Variants in TTC13 observed in about 807,000 individuals in gnomAD.
TTC13 encodes the protein tetratricopeptide repeat domain 13.
TTC13 carries 62 observed loss-of-function variants against 120.0 expected under a neutral mutation model. The observed-to-expected ratio is 0.52, with a 90% CI of 0.42 to 0.64. The LOEUF (loss-of-function observed/expected upper bound fraction) is 0.64. Among genes scored for constraint, TTC13 ranks in the 30% least tolerant of loss-of-function variants. The pLI is 0.00. For synonymous variants in TTC13, 384 were observed against 393.5 expected (o/e 0.98, Z 0.28); for missense variants, 824 against 1,050.2 (o/e 0.78, Z 2.98).
chr1:230,920,417 T>C (rs1672470383), intron 17 of TTC13, 93 bp downstream of exon 17: 1 of 885,318 alleles, frequency 1.1e-6, no homozygotes, highest in East Asian at 2.5e-5. Context: ...TGATTTCAAA[T>C]AGCATTTAAT....
At chr1:230,956,546 A>C (rs1448370413) in intron 3 of TTC13, 1 of 397,100 alleles carries the variant, frequency 2.5e-6, no homozygotes, top group African/African-American at 2.1e-5. Flanking sequence ...TTATTATCCC[A>C]TAATCAGTAA....
chr1:230,948,764 A>T (rs536231379), intron 4 of TTC13, among the ~76,000 whole-genome samples: 1 of 152,188 alleles, frequency 6.6e-6, no homozygotes, highest in Non-Finnish European at 1.5e-5. Context: ...TGCTGGGGTT[A>T]CAGGCGTGAG....
chr1:230,934,252 A>G (rs1673832378), intron 8 of TTC13, among the ~76,000 whole-genome samples: 1 of 152,230 alleles, frequency 6.6e-6, no homozygotes, highest in African/African-American at 2.4e-5. Flanking sequence ...AAATAATTTA[A>G]AATGATCATA....
At position 230,923,909 on chromosome 1, in the gene TTC13, C is replaced by T; in HGVS notation, c.1746G>A (p.Val582=). Residue 582 remains valine, a synonymous_variant, in exon 15 of 23, where the codon GTG becomes GTA. Coordinates refer to ENST00000366661, the MANE Select transcript of TTC13 (RefSeq NM_024525.5). ...WRRIADPDQP[V]LWLDQMPARS... is the part of the protein sequence containing the mutation. ...GTGCTGGCATTTGATCTAACCACAG[C>T]ACGGGCTGGTCTGGGTCAGCAATCC... The T allele has an allele frequency of 6.2e-7, 1 of 1,613,924 alleles. No individual in the cohort carries two copies. Among genetic ancestry groups the T allele is most frequent in the African/African-American group, 1.3e-5 (1 of 75,046 alleles).
At chr1:230,956,602 T>G in intron 3 of TTC13, 2 of 379,134 alleles carry the variant, frequency 5.3e-6, no homozygotes, top group South Asian at 4.0e-5. Context: ...TAAAAACAAA[T>G]ATGATTTTTA....
chr1:230,931,866 T>C lies in TTC13; in HGVS notation c.995A>G (p.Asn332Ser). The C allele has an allele frequency of 2.5e-6, 4 of 1,614,120 alleles. No individual in the cohort carries two copies. The highest frequency in any genetic ancestry group is 1.3e-5 in the African/African-American group (1 of 75,028). Residue 332 changes from asparagine to serine, a missense_variant, in exon 10 of 23, where the codon AAT becomes AGT. Transcript: ENST00000366661. ...SLGQAYRELG[N>S]FEAATESFQK... is the part of the protein sequence containing the mutation. The stretch of plus-strand genomic sequence containing the variant: ...AAAGCTCTCAGTGGCTGCTTCAAAA[T>C]TGCCCAGTTCTCTAGGTATTTAATA...
chr1:230,977,844 A>G (rs916116895), intron 1 of TTC13, among the ~76,000 whole-genome samples: 5 of 152,214 alleles, frequency 3.3e-5, no homozygotes, highest in African/African-American at 1.2e-4. Context: ...ATTAAACTGA[A>G]GCCAATAGCG....
At chr1:230,939,570 G>T in intron 7 of TTC13, 74 bp from the exon 8 acceptor site, 1 of 1,024,254 alleles carries the variant, frequency 9.8e-7, no homozygotes, top group Non-Finnish European at 1.4e-6. Flanking sequence ...ATTTTTGGCT[G>T]GTAGAGAAAA....
intron 1 of TTC13, 49 bp from the exon 2 acceptor site, chr1:230,961,352 T>C: frequency 7.4e-7 from 1 of 1,342,650 alleles, no homozygotes; most frequent in Non-Finnish European, 1.1e-6. Context: ...ATTTATGCTC[T>C]TAGGTGCTTA....
chr1:230,908,799 A>G lies in TTC13; in HGVS notation c.2389-8T>C. 3 of 1,612,206 alleles carry G rather than the reference A, an allele frequency of 1.9e-6. No homozygotes were observed. Among genetic ancestry groups the G allele is most frequent in the Non-Finnish European group, 2.5e-6 (3 of 1,178,324 alleles). On this transcript the variant is annotated splice_region_variant and splice_polypyrimidine_tract_variant and intron_variant, in intron 21 of 22. Transcript: ENST00000366661. ...AGCTTCAAAGTCGACTAACTGAAAA[A>G]GAAAGACATTTAGGAATGTTACTAA...
rs1676613398 is a variant in TTC13, at chr1:230,961,287, G to C, written c.288C>G (p.Asn96Lys). 1 of 1,613,480 alleles carries C rather than the reference G, an allele frequency of 6.2e-7. No individual in the cohort carries two copies. The highest frequency in any genetic ancestry group is 8.5e-7 in the Non-Finnish European group (1 of 1,179,576). The change falls in exon 2 of 23, where the codon AAC (asparagine) becomes AAG (lysine). Residue 96 changes from asparagine (N) to lysine (K), a missense_variant. By Grantham distance (94) the Asn-to-Lys change is moderately conservative (BLOSUM62 0). Around this residue, in one of 4 missense-constraint regions of TTC13, gnomAD observed 160 missense variants for 137.2 expected, o/e 1.17. Transcript: ENST00000366661. The stretch of plus-strand genomic sequence containing the variant: ...TGGGTTCGCAGTCTGAGTCATGGAA[G>C]TTCAAAAAGGATGACTCTGAAAGGC... ...SAECGESSFL[N>K]FHDSDCEPKG...
intron 2 of TTC13, among the ~76,000 whole-genome samples, chr1:230,959,278 C>A (rs1676398131): frequency 6.6e-6 from 1 of 152,058 alleles, no homozygotes; most frequent in Admixed American, 6.6e-5. Context: ...AAGAAGAAAT[C>A]ATTTACTAAG....
chr1:230,910,732 G>C (rs142157454), intron 20 of TTC13, among the ~76,000 whole-genome samples: 1 of 152,226 alleles, frequency 6.6e-6, no homozygotes, highest in African/African-American at 2.4e-5. Flanking sequence ...ATATTATGCT[G>C]ATAAGACAAC....
chr1:230,908,699 C>A lies in TTC13; in HGVS notation c.2468+13G>T. 6.2e-7 allele frequency: 1 copy of A among 1,611,788 alleles called. No homozygotes were observed. The highest frequency in any genetic ancestry group is 1.3e-5 in the African/African-American group (1 of 74,988). On this transcript the variant is annotated intron_variant, in intron 22 of 22. Coordinates refer to ENST00000366661, the MANE Select transcript of TTC13 (RefSeq NM_024525.5). ...TTATGATACCCTTGTGTGGACCCCC[C>A]TCAAGTAGTTACCTTTTCAAGTTCA...
chr1:230,945,762 G>A (rs1281708147), intron 4 of TTC13, among the ~76,000 whole-genome samples: 5 of 152,154 alleles, frequency 3.3e-5, no homozygotes, highest in African/African-American at 1.2e-4. Flanking sequence ...CAACAACTCT[G>A]GCAGCATCAG....
At chr1:230,958,119 G>T in intron 3 of TTC13, 105 bp downstream of exon 3, 3 of 1,108,478 alleles carry the variant, frequency 2.7e-6, no homozygotes, top group Non-Finnish European at 3.9e-6. Flanking sequence ...AGCTCAAATT[G>T]GCAAAGCCAG....
intron 8 of TTC13, among the ~76,000 whole-genome samples, chr1:230,936,867 G>T (rs905184722): frequency 3.3e-5 from 5 of 152,154 alleles, no homozygotes; most frequent in Non-Finnish European, 5.9e-5. Flanking sequence ...TTTCACTACC[G>T]ACTCAGTTTT....
At chr1:230,928,082 A>G (rs1053865666) in intron 12 of TTC13, among the ~76,000 whole-genome samples, 1 of 152,178 alleles carries the variant, frequency 6.6e-6, no homozygotes, top group Admixed American at 6.5e-5. Context: ...CTTCCCCTTC[A>G]AGCCTGAGCA....
Position 230,906,321 on chromosome 1 carries a change from A to G in TTC13, c.*584T>C, listed in dbSNP as rs1042695933. ...ACAAAGGAAAAAAAAACATGGTTCAATAATTCAGCATTTGGGACTCTGGCA... is the reference window on the plus strand; with the variant it reads ...ACAAAGGAAAAAAAAACATGGTTCAGTAATTCAGCATTTGGGACTCTGGCA... On this transcript the variant is annotated 3_prime_UTR_variant, in exon 23 of 23. Coordinates refer to ENST00000366661, the MANE Select transcript of TTC13 (RefSeq NM_024525.5). 6.6e-6 allele frequency: 1 copy of G among 152,242 alleles called. No individual in the cohort carries two copies. Among genetic ancestry groups the G allele is most frequent in the African/African-American group, 2.4e-5 (1 of 41,462 alleles). The allele number at this position is 152,242 out of a possible 1,614,324, so 9.4% of individuals were successfully genotyped here. A position where few individuals can be genotyped will look rare whatever the true frequency, so the allele number is the denominator to read the frequency against.
Sources: gnomAD v4.1 joint callset for allele counts (sites outside exome capture counted in the v4.1 genomes callset) on GRCh38, gnomAD v4.1.1 for gene constraint, gnomAD v4.1.1 regional missense constraint, MANE v1.5 for transcripts, NCBI Gene and HGNC (gene_info 2026-07-23, HGNC 2026-07-21) for gene names.